Variants in LHFPL3 observed in about 807,000 individuals in gnomAD.
LHFPL3 encodes the protein LHFPL tetraspan subfamily member 3 protein.
In LHFPL3, 5 loss-of-function variants were observed where a neutral mutation model predicts 19.3. The observed-to-expected ratio is 0.26, with a 90% CI of 0.14 to 0.54. LHFPL3 has a LOEUF of 0.54. Among genes scored for constraint, LHFPL3 ranks in the 20% least tolerant of loss-of-function variants. The pLI is 0.94. For synonymous variants in LHFPL3, 133 were observed against 126.2 expected, an observed-to-expected ratio of 1.05 and a Z score of -0.36; for missense variants, 249 against 307.4, an observed-to-expected ratio of 0.81 and a Z score of 1.42.
intron 1 of LHFPL3, among the ~76,000 whole-genome samples, chr7:104,624,765 G>A (rs778059428): frequency 1.3e-5 from 2 of 152,142 alleles, no homozygotes; most frequent in Non-Finnish European, 2.9e-5. Flanking sequence ...ATAGAGAATG[G>A]CAGGTTGAGA....
At chr7:104,792,154 C>T (rs1790035530) in intron 2 of LHFPL3, among the ~76,000 whole-genome samples, 1 of 152,210 alleles carries the variant, frequency 6.6e-6, no homozygotes, top group African/African-American at 2.4e-5. Context: ...CTTTCCCTCA[C>T]CCCACAAAGG....
intron 1 of LHFPL3, among the ~76,000 whole-genome samples, chr7:104,593,621 C>G (rs1340646009): frequency 1.3e-5 from 2 of 152,084 alleles, no homozygotes; most frequent in East Asian, 1.9e-4. Context: ...GTTGATCTGT[C>G]TAATGTTGAC....
chr7:104,414,462 C>T (rs781561463), intron 1 of LHFPL3, among the ~76,000 whole-genome samples: 7 of 152,110 alleles, frequency 4.6e-5, no homozygotes, highest in East Asian at 1.9e-4. Flanking sequence ...CACGTGATTG[C>T]GCCCAGATCT....
At chr7:104,800,746 G>A (rs147402863) in intron 2 of LHFPL3, among the ~76,000 whole-genome samples, 69 of 152,276 alleles carry the variant, frequency 4.5e-4, no homozygotes, top group Middle Eastern at 3.4e-3. Context: ...TAGCCAGGCA[G>A]ATAGTGTTGA....
chr7:104,477,036 G>A (rs557210375), intron 1 of LHFPL3, among the ~76,000 whole-genome samples: 30 of 152,178 alleles, frequency 2.0e-4, no homozygotes, highest in Middle Eastern at 3.4e-3. Context: ...TCTTACCCAG[G>A]CTGGAATGTA....
At chr7:104,808,334 T>C (rs2116494683) in intron 2 of LHFPL3, among the ~76,000 whole-genome samples, 1 of 152,334 alleles carries the variant, frequency 6.6e-6, no homozygotes, top group Middle Eastern at 3.4e-3. Context: ...ATTATTAATC[T>C]CATTTCAAAA....
chr7:104,628,066 G>A (rs963667202), intron 1 of LHFPL3, among the ~76,000 whole-genome samples: 1 of 152,094 alleles, frequency 6.6e-6, no homozygotes, highest in Non-Finnish European at 1.5e-5. Context: ...GGGCTTATAG[G>A]GTCTTGGATG....
chr7:104,890,315 G>C (rs1036959175), intron 2 of LHFPL3, among the ~76,000 whole-genome samples: 7 of 152,134 alleles, frequency 4.6e-5, no homozygotes, highest in Non-Finnish European at 7.4e-5. Context: ...AAAACAAGTG[G>C]TTGGGAGATT....
chr7:104,467,304 T>G (rs951429800), intron 1 of LHFPL3, among the ~76,000 whole-genome samples: 1 of 152,172 alleles, frequency 6.6e-6, no homozygotes, highest in Non-Finnish European at 1.5e-5. Context: ...GGAAAAGACC[T>G]AGGATTGGGT....
intron 1 of LHFPL3, among the ~76,000 whole-genome samples, chr7:104,446,744 T>A (rs1792337323): frequency 1.3e-5 from 2 of 151,776 alleles, no homozygotes; most frequent in Non-Finnish European, 2.9e-5. Flanking sequence ...CCCAGCTAAT[T>A]TTTTTATATT....
At chr7:104,824,560 TTATATATATTATTTTATATATAA>T in intron 2 of LHFPL3, among the ~76,000 whole-genome samples, 1 of 75,208 alleles carries the variant, frequency 1.3e-5, no homozygotes, top group South Asian at 3.7e-4. Flanking sequence ...TAATATATAA[TTATATATATTATTTTATATATAA>T]TATATATAAT....
At position 104,420,839 on chromosome 7, in the gene LHFPL3, G is replaced by A. The variant is rs538947723; in HGVS notation, c.445+91615G>A. On this transcript the variant is annotated intron_variant, in intron 1 of 2. Coordinates refer to ENST00000424859, the MANE Select transcript of LHFPL3 (RefSeq NM_199000.3). ...GGCCTCCCAAAGTGCTGGGATTACA[G>A]GCGTGAGCCACCGCGCCCGGCCCCC... 2.5e-4 allele frequency among the ~76,000 whole-genome samples: 38 copies of A among 152,330 alleles called. No individual in the cohort carries two copies. The South Asian group carries it at 7.2e-3, about 29-fold the overall frequency.
Position 104,819,749 on chromosome 7 carries a change from T to C in LHFPL3, c.682+82838T>C, listed in dbSNP as rs186593160. Among the ~76,000 whole-genome samples, 20 of 152,322 alleles carry C rather than the reference T, an allele frequency of 1.3e-4. No homozygotes were observed. In the East Asian group the frequency reaches 2.9e-3, roughly 22 times the overall value. On this transcript the variant is annotated intron_variant, in intron 2 of 2. Transcript: ENST00000424859. ...CGCTTTATATTGGAGCTTGCTGATA[T>C]GTGCGTACTTTAACAGGGATTCCAC...
In LHFPL3 at chr7:104,627,813, C is replaced by A. The variant is rs537491835; in HGVS notation, c.446-108862C>A. On this transcript the variant is annotated intron_variant, in intron 1 of 2. Transcript: ENST00000424859. ...AAAACTCTGAACTTCTAAAACTTGACCTCTGATCAAACTGCCAGGCTAGAC... is the reference window on the plus strand; with the variant it reads ...AAAACTCTGAACTTCTAAAACTTGAACTCTGATCAAACTGCCAGGCTAGAC... 1.8e-4 allele frequency among the ~76,000 whole-genome samples: 28 copies of A among 152,298 alleles called. No individual in the cohort carries two copies. The South Asian group carries it at 5.6e-3, about 30-fold the overall frequency.
At chr7:104,421,360 G>T (rs1429608358) in intron 1 of LHFPL3, among the ~76,000 whole-genome samples, 1 of 152,126 alleles carries the variant, frequency 6.6e-6, no homozygotes, top group African/African-American at 2.4e-5. Context: ...CAGATGAGAG[G>T]CATTGTGGCA....
At chr7:104,711,212 T>C (rs538934513) in intron 1 of LHFPL3, among the ~76,000 whole-genome samples, 1 of 152,314 alleles carries the variant, frequency 6.6e-6, no homozygotes, top group South Asian at 2.1e-4. Context: ...TGTTTTAAGA[T>C]AGAAACGAGA....
intron 1 of LHFPL3, among the ~76,000 whole-genome samples, chr7:104,544,084 A>G (rs1006759274): frequency 2.0e-5 from 3 of 151,728 alleles, no homozygotes; most frequent in African/African-American, 7.3e-5. Flanking sequence ...AATTCATTCA[A>G]CTCATAAAAG....
chr7:104,518,860 A>G (rs1353041357), intron 1 of LHFPL3, among the ~76,000 whole-genome samples: 1 of 148,360 alleles, frequency 6.7e-6, no homozygotes, highest in Non-Finnish European at 1.5e-5. Flanking sequence ...AAATAAAAAA[A>G]CTGTGATGCA....
chr7:104,585,605 G>A (rs537670385), intron 1 of LHFPL3, among the ~76,000 whole-genome samples: 4 of 151,926 alleles, frequency 2.6e-5, no homozygotes, highest in East Asian at 3.9e-4. Context: ...TCTACAGTAT[G>A]TCAGTTGATA....
Sources: gnomAD v4.1 joint callset for allele counts (sites outside exome capture counted in the v4.1 genomes callset) on GRCh38, gnomAD v4.1.1 for gene constraint, MANE v1.5 for transcripts, NCBI Gene and HGNC (gene_info 2026-07-23, HGNC 2026-07-21) for gene names.